The following SESN1 variants were observed in gnomAD, a reference collection of about 807,000 sequenced individuals.
SESN1 encodes the protein sestrin 1.
In SESN1, 30 loss-of-function variants were observed where a neutral mutation model predicts 59.3. That is an observed-to-expected ratio of 0.51 (90% CI 0.38 to 0.69). The LOEUF (loss-of-function observed/expected upper bound fraction) is 0.69, where lower values mean the gene tolerates loss of function less well. Among genes scored for constraint, SESN1 ranks in the 30% least tolerant of loss-of-function variants. The pLI, the probability that SESN1 is intolerant of heterozygous loss-of-function variation, is 0.00. For synonymous variants in SESN1, 197 were observed against 219.9 expected, an observed-to-expected ratio of 0.90 and a Z score of 0.92; for missense variants, 566 against 673.0, an observed-to-expected ratio of 0.84 and a Z score of 1.76.
chr6:108,993,026 C>T, intron 6 of SESN1, 127 bp from the exon 7 acceptor site: 1 of 615,738 alleles, frequency 1.6e-6, no homozygotes, highest in Non-Finnish European at 2.9e-6. Context: ...CCAAAGTAGT[C>T]TTACAATTAT....
chr6:109,011,787 C>T (rs972843730), intron 1 of SESN1, among the ~76,000 whole-genome samples: 1 of 151,930 alleles, frequency 6.6e-6, no homozygotes, highest in Admixed American at 6.6e-5. Context: ...GGCCACCACA[C>T]CCGGCTACTT....
At chr6:109,005,450 G>A (rs889662039) in intron 1 of SESN1, among the ~76,000 whole-genome samples, 5 of 152,230 alleles carry the variant, frequency 3.3e-5, no homozygotes, top group South Asian at 4.1e-4. Context: ...TAAAAATGTG[G>A]CCAGATTGAC....
At chr6:109,031,420 C>A (rs1390667199) in intron 1 of SESN1, among the ~76,000 whole-genome samples, 4 of 152,168 alleles carry the variant, frequency 2.6e-5, no homozygotes, top group African/African-American at 9.7e-5. Flanking sequence ...CCTCACACCA[C>A]CACCAAACTT....
chr6:109,053,474 C>A (rs1780576874), intron 1 of SESN1, among the ~76,000 whole-genome samples: 1 of 152,074 alleles, frequency 6.6e-6, no homozygotes, highest in Non-Finnish European at 1.5e-5. Context: ...ACATTCCATG[C>A]AGACTGAGAA....
chr6:109,089,933 G>A (rs1041464306), intron 1 of SESN1, among the ~76,000 whole-genome samples: 8 of 152,074 alleles, frequency 5.3e-5, no homozygotes, highest in Non-Finnish European at 8.8e-5. Context: ...ATTCTCTAGA[G>A]TGATCCTTCT....
chr6:109,040,784 C>G (rs1469147735), intron 1 of SESN1, among the ~76,000 whole-genome samples: 3 of 151,802 alleles, frequency 2.0e-5, no homozygotes, highest in African/African-American at 7.3e-5. Flanking sequence ...TCCTGAGTAG[C>G]TGGAACTACA....
chr6:109,047,958 G>A (rs1442772749), intron 1 of SESN1, among the ~76,000 whole-genome samples: 23 of 146,900 alleles, frequency 1.6e-4, no homozygotes, highest in African/African-American at 4.2e-4. Flanking sequence ...CAAACACTGC[G>A]GAAGGCCACA....
chr6:109,039,112 A>AAGGAAGGAGGAGAAGG (rs1189424222), intron 1 of SESN1, among the ~76,000 whole-genome samples: 1 of 149,964 alleles, frequency 6.7e-6, no homozygotes, highest in Non-Finnish European at 1.5e-5. Flanking sequence ...GGAGAAGGAG[A>AAGGAAGGAGGAGAAGG]AGGAAGGAGG....
At chr6:109,031,851 C>A (rs887840160) in intron 1 of SESN1, among the ~76,000 whole-genome samples, 3 of 152,030 alleles carry the variant, frequency 2.0e-5, no homozygotes, top group Admixed American at 6.6e-5. Flanking sequence ...ATGCTTGGGA[C>A]CAGAAGTATT....
At chr6:109,016,290 T>C (rs184488635) in intron 1 of SESN1, among the ~76,000 whole-genome samples, 1 of 152,332 alleles carries the variant, frequency 6.6e-6, no homozygotes, top group East Asian at 1.9e-4. Flanking sequence ...CTGCCTTCCC[T>C]ATCCATGCCT....
At chr6:108,991,834 C>T (rs1779391938) in intron 7 of SESN1, among the ~76,000 whole-genome samples, 1 of 152,186 alleles carries the variant, frequency 6.6e-6, no homozygotes, top group African/African-American at 2.4e-5. Context: ...TTTAAACATA[C>T]ACCACTAATC....
At chr6:109,012,586 G>T (rs1195437804) in intron 1 of SESN1, among the ~76,000 whole-genome samples, 1 of 152,140 alleles carries the variant, frequency 6.6e-6, no homozygotes. Context: ...GTTCAAGATA[G>T]GCTTCCTGAA....
In SESN1 at chr6:109,028,638, T is replaced by C. The variant is rs189811623; in HGVS notation, c.280-26295A>G. Among the ~76,000 whole-genome samples the C allele has an allele frequency of 5.3e-5, 8 of 152,206 alleles. No homozygotes were observed. The East Asian group carries it at 1.5e-3, about 29-fold the overall frequency. On this transcript the variant is annotated intron_variant, in intron 1 of 9. Coordinates refer to ENST00000436639, the MANE Select transcript of SESN1 (RefSeq NM_014454.3). ...TTCTACTTTTAGTACCCTTGAGTCA[T>C]AAAAAAGCATCTCTTAAAAATAGTA...
chr6:109,062,742 CTA>C (rs1271202986), intron 1 of SESN1, among the ~76,000 whole-genome samples: 6 of 152,048 alleles, frequency 3.9e-5, no homozygotes, highest in Non-Finnish European at 8.8e-5. Context: ...CCCCTATGTA[CTA>C]TGTTTTCTCT....
At chr6:109,042,172 C>T (rs1038857989) in intron 1 of SESN1, among the ~76,000 whole-genome samples, 4 of 151,840 alleles carry the variant, frequency 2.6e-5, no homozygotes. Context: ...AATGAAAATA[C>T]AACATATCAA....
At chr6:109,090,046 T>C (rs1206106619) in intron 1 of SESN1, among the ~76,000 whole-genome samples, 1 of 152,210 alleles carries the variant, frequency 6.6e-6, no homozygotes, top group Non-Finnish European at 1.5e-5. Flanking sequence ...TAAGCCCCTC[T>C]GGGATCTGGT....
intron 1 of SESN1, among the ~76,000 whole-genome samples, chr6:109,046,602 G>C (rs1188562042): frequency 2.1e-5 from 3 of 140,860 alleles, no homozygotes; most frequent in Non-Finnish European, 3.1e-5. Flanking sequence ...AGTGAGGAGC[G>C]TCTGCGCCCG....
At chr6:109,011,095 A>G (rs545271256) in intron 1 of SESN1, among the ~76,000 whole-genome samples, 40 of 152,358 alleles carry the variant, frequency 2.6e-4, no homozygotes, top group Non-Finnish European at 4.7e-4. Flanking sequence ...CTAGTAGGGC[A>G]TAATCTTAGT....
chr6:109,057,191 C>T (rs1181298536), intron 1 of SESN1, among the ~76,000 whole-genome samples: 3 of 152,164 alleles, frequency 2.0e-5, no homozygotes, highest in Non-Finnish European at 4.4e-5. Flanking sequence ...CCCAGCTAAG[C>T]CATTCCTGAA....
Sources: gnomAD v4.1 joint callset for allele counts (sites outside exome capture counted in the v4.1 genomes callset) on GRCh38, gnomAD v4.1.1 for gene constraint, MANE v1.5 for transcripts, NCBI Gene and HGNC (gene_info 2026-07-23, HGNC 2026-07-21) for gene names.